Variants in UMOD observed in about 807,000 individuals in gnomAD.
UMOD encodes the protein uromodulin.
A neutral mutation model predicts 66.0 loss-of-function variants in UMOD; 64 were observed. The ratio of observed to expected loss-of-function variants is 0.97; its 90% CI spans 0.79 to 1.19. The LOEUF is 1.19. Ranked by LOEUF, UMOD falls within the 50% of genes most tolerant of loss-of-function variation. The pLI is 0.00. For synonymous variants in UMOD, 398 were observed against 352.7 expected (o/e 1.13, Z -1.44); for missense variants, 764 against 850.9 (o/e 0.90, Z 1.27).
At chr16:20,352,238 A>G (rs780391854) in intron 1 of UMOD, among the ~76,000 whole-genome samples, 3 of 152,144 alleles carry the variant, frequency 2.0e-5, no homozygotes, top group Non-Finnish European at 4.4e-5. Context: ...GCTTGCCTCA[A>G]ATTTGTATTG....
At chr16:20,338,818 G>T (rs777343161) in intron 7 of UMOD, among the ~76,000 whole-genome samples, 1 of 152,102 alleles carries the variant, frequency 6.6e-6, no homozygotes, top group Non-Finnish European at 1.5e-5. Context: ...GGAGTGCAAT[G>T]GTGTGATCTT....
In UMOD at chr16:20,348,842, G is replaced by C; in HGVS notation, c.459C>G (p.Gly153=). Residue 153 remains glycine, a synonymous_variant, in exon 3 of 11, where the codon GGC becomes GGG. Coordinates refer to ENST00000396138, the MANE Select transcript of UMOD (RefSeq NM_003361.4). ...GDGWHCECSP[G]SCGPGLDCVP... ...CGCAGTCCAACCCCGGCCCGCAGGA[G>C]CCCGGGGAGCACTCACAGTGCCATC... 6.5e-7 allele frequency: 1 copy of C among 1,547,540 alleles called. No individual in the cohort carries two copies. The highest frequency in any genetic ancestry group is 8.7e-7 in the Non-Finnish European group (1 of 1,147,024).
Position 20,346,119 on chromosome 16 carries a change from G to A in UMOD, c.1182+7C>T. On this transcript the variant is annotated splice_region_variant and intron_variant, in intron 5 of 10. Coordinates refer to ENST00000396138, the MANE Select transcript of UMOD (RefSeq NM_003361.4). ...TCTGGTTCTGTCCCCCACTGGCCAG[G>A]ACGTACCGTCAACACTGTCCCACAG... The A allele has an allele frequency of 6.2e-7, 1 of 1,613,170 alleles. No homozygotes were observed.
chr16:20,347,106 T>A (rs1398746612), intron 4 of UMOD, among the ~76,000 whole-genome samples: 2 of 152,124 alleles, frequency 1.3e-5, no homozygotes, highest in African/African-American at 4.8e-5. Context: ...CACTGCAACC[T>A]CCGCATCCTG....
intron 5 of UMOD, 113 bp downstream of exon 5, chr16:20,346,013 T>A: frequency 2.1e-6 from 2 of 954,366 alleles, no homozygotes; most frequent in Non-Finnish European, 3.2e-6. Flanking sequence ...TTGATGAAAC[T>A]GAGGCACAGC....
At position 20,344,721 on chromosome 16, in the gene UMOD, C is replaced by T. The variant is rs961870153; in HGVS notation, c.1183-549G>A. Among the ~76,000 whole-genome samples the T allele has an allele frequency of 9.9e-5, 15 of 152,170 alleles. 1 individual carries two copies. The highest frequency in any genetic ancestry group is 6.2e-4 in the South Asian group (3 of 4,810). On this transcript the variant is annotated intron_variant, in intron 5 of 10. Transcript: ENST00000396138. ...AAAAGTTACAACAGCAATGACCATT[C>T]ATGCGCATATGTCATGTGCCAGACC...
intron 10 of UMOD, 104 bp from the exon 11 acceptor site, chr16:20,333,479 T>C: frequency 9.4e-7 from 1 of 1,061,322 alleles, no homozygotes; most frequent in South Asian, 1.4e-5. Flanking sequence ...GAGGACACCC[T>C]CTCTGGGCTG....
chr16:20,334,032 CAA>C (rs575596167), intron 10 of UMOD, among the ~76,000 whole-genome samples: 10 of 57,110 alleles, frequency 1.8e-4, no homozygotes, highest in African/African-American at 5.1e-4. Flanking sequence ...GATTCCATCT[CAA>C]AAAAAAAAAA....
At chr16:20,343,367 A>C (rs561073946) in intron 6 of UMOD, among the ~76,000 whole-genome samples, 1 of 152,176 alleles carries the variant, frequency 6.6e-6, no homozygotes, top group South Asian at 2.1e-4. Flanking sequence ...ACTTGCAAGG[A>C]GCGTAATTTT....
intron 10 of UMOD, 43 bp from the exon 11 acceptor site, chr16:20,333,418 A>G (rs778760615): frequency 6.4e-6 from 10 of 1,574,224 alleles, no homozygotes; most frequent in Non-Finnish European, 8.7e-6. Context: ...GTACTGCTGT[A>G]CTTTTGTGCA....
chr16:20,355,852 C>T (rs1369890727), upstream of UMOD, among the ~76,000 whole-genome samples: 1 of 152,154 alleles, frequency 6.6e-6, no homozygotes, highest in Non-Finnish European at 1.5e-5. Flanking sequence ...CACAACAACC[C>T]ACGTCACAGG....
chr16:20,340,649 T>A (rs994861901), intron 7 of UMOD, among the ~76,000 whole-genome samples: 7 of 152,086 alleles, frequency 4.6e-5, no homozygotes, highest in African/African-American at 1.4e-4. Context: ...GTTGCCTGTA[T>A]TTATAATGGA....
intron 1 of UMOD, chr16:20,351,518 A>G (rs1368740659): frequency 6.4e-6 from 1 of 155,076 alleles, no homozygotes; most frequent in Admixed American, 6.2e-5. Context: ...TGAGGTTCAA[A>G]TCCCTGCTTT....
At chr16:20,336,755 C>G (rs1289856472) in intron 8 of UMOD, 28 bp from the exon 9 acceptor site, 3 of 1,606,228 alleles carry the variant, frequency 1.9e-6, no homozygotes, top group South Asian at 1.1e-5. Flanking sequence ...TAGAAAAACA[C>G]CCTCCATGAA....
At chr16:20,337,533 C>T (rs1964955782) in intron 7 of UMOD, 80 bp from the exon 8 acceptor site, 1 of 1,575,062 alleles carries the variant, frequency 6.3e-7, no homozygotes, top group Non-Finnish European at 8.7e-7. Context: ...AAATATTGCT[C>T]TGTCACCTTT....
Position 20,346,326 on chromosome 16 carries a change from G to A in UMOD, c.982C>T (p.Leu328Phe). ...KQDFNITDIS[L>F]LEHRLECGAN... Reference sequence around the variant, plus strand: ...CCACATTCCAGCCTGTGCTCCAGGAGGGAGATATCTGAAACAGGTTAGGTG... The same window carrying A: ...CCACATTCCAGCCTGTGCTCCAGGAAGGAGATATCTGAAACAGGTTAGGTG... The change falls in exon 5 of 11, where the codon CTC (leucine) becomes TTC (phenylalanine). Residue 328 changes from leucine to phenylalanine, a missense_variant. By Grantham distance (22) the Leu-to-Phe change is conservative (BLOSUM62 0). Coordinates refer to ENST00000396138, the MANE Select transcript of UMOD (RefSeq NM_003361.4). 1 of 1,614,244 alleles carries A rather than the reference G, an allele frequency of 6.2e-7. No individual in the cohort carries two copies. Among genetic ancestry groups the A allele is most frequent in the Non-Finnish European group, 8.5e-7 (1 of 1,180,040 alleles).
At chr16:20,338,040 T>A (rs1964979293) in intron 7 of UMOD, among the ~76,000 whole-genome samples, 1 of 152,086 alleles carries the variant, frequency 6.6e-6, no homozygotes, top group Middle Eastern at 3.2e-3. Context: ...GGGCACCCCC[T>A]CTGCCATTCC....
rs184055420 is a variant in UMOD, at chr16:20,341,080, C to T, written c.1577+11G>A. 418 of 1,613,168 alleles carry T rather than the reference C, an allele frequency of 2.6e-4. 5 individuals are homozygous for T. In the South Asian group the frequency reaches 2.6e-3, roughly 10 times the overall value. ...TACCCATGAGTTCCCATGTAGGAAC[C>T]TTTGCCTTACCTGTCCTGGATGATG... On this transcript the variant is annotated intron_variant, in intron 7 of 10. Transcript: ENST00000396138.
At chr16:20,342,693 G>A (rs1472115180) in intron 6 of UMOD, among the ~76,000 whole-genome samples, 1 of 152,198 alleles carries the variant, frequency 6.6e-6, no homozygotes, top group East Asian at 1.9e-4. Context: ...TCAAACTTCT[G>A]TGAGCCTCAA....
Sources: gnomAD v4.1 joint callset for allele counts (sites outside exome capture counted in the v4.1 genomes callset) on GRCh38, gnomAD v4.1.1 for gene constraint, MANE v1.5 for transcripts, NCBI Gene and HGNC (gene_info 2026-07-23, HGNC 2026-07-21) for gene names.